Variants in MMP16 observed in about 807,000 individuals in gnomAD.
MMP16 encodes matrix metalloproteinase-16.
Under a neutral mutation model 67.8 loss-of-function variants are expected in MMP16, and 12 were observed. The ratio of observed to expected loss-of-function variants is 0.18; its 90% confidence interval spans 0.11 to 0.29. The LOEUF is 0.29. Ranked by LOEUF, MMP16 falls within the 10% of genes least tolerant of loss-of-function variation. The pLI, the probability that MMP16 is intolerant of heterozygous loss-of-function variation, is 1.00. For synonymous variants in MMP16, 249 were observed against 255.9 expected, an observed-to-expected ratio of 0.97 and a Z score of 0.26; for missense variants, 475 against 765.7, an observed-to-expected ratio of 0.62 and a Z score of 4.48.
chr8:88,067,321 C>T (rs188928077), intron 7 of MMP16, among the ~76,000 whole-genome samples: 84 of 151,980 alleles, frequency 5.5e-4, no homozygotes, highest in African/African-American at 1.9e-3. Context: ...TCTGGAACAA[C>T]GAAGGAATCA....
intron 6 of MMP16, among the ~76,000 whole-genome samples, chr8:88,106,125 C>T (rs1809236952): frequency 1.3e-5 from 2 of 150,596 alleles, no homozygotes; most frequent in African/African-American, 2.4e-5. Context: ...TTCACTTTCT[C>T]TCCTACCTCT....
At chr8:88,128,707 A>T (rs1270628184) in intron 4 of MMP16, among the ~76,000 whole-genome samples, 1 of 151,782 alleles carries the variant, frequency 6.6e-6, no homozygotes, top group Non-Finnish European at 1.5e-5. Context: ...GATTAGCAAA[A>T]AAAGATCTTC....
rs1243358908 is a variant in MMP16, at chr8:88,035,027, CTG to C, written c.*6432_*6433del. 6.6e-6 allele frequency: 1 copy of C among 151,972 alleles called. No homozygotes were observed. Among genetic ancestry groups the C allele is most frequent in the Non-Finnish European group, 1.5e-5 (1 of 67,926 alleles). The allele number at this position is 151,972 out of a possible 1,614,324, so 9.4% of individuals were successfully genotyped here. ...CACAGACCAAATACTACAGAAATGT[CTG>C]TATTGTGACTGATATTTTTTTCATG... On this transcript the variant is annotated 3_prime_UTR_variant, in exon 10 of 10. Coordinates refer to ENST00000286614, the MANE Select transcript of MMP16 (RefSeq NM_005941.5). This position sits in a 1 kb window ranked among gnomAD's most constrained non-coding sequence, Gnocchi z 4.7.
chr8:88,248,854 T>C (rs1810162153), intron 1 of MMP16, among the ~76,000 whole-genome samples: 1 of 151,994 alleles, frequency 6.6e-6, no homozygotes, highest in Admixed American at 6.6e-5. Context: ...TGTTTCCCAA[T>C]TTTACTGCAG....
intron 9 of MMP16, among the ~76,000 whole-genome samples, chr8:88,045,393 C>T (rs1586120266): frequency 1.3e-5 from 2 of 151,718 alleles, no homozygotes; most frequent in East Asian, 3.9e-4. Flanking sequence ...GTTTTTTAGA[C>T]AGAGACTGGC....
chr8:88,285,066 T>G (rs1810805874), intron 1 of MMP16, among the ~76,000 whole-genome samples: 1 of 152,194 alleles, frequency 6.6e-6, no homozygotes, highest in African/African-American at 2.4e-5. Flanking sequence ...CCTCATTTAT[T>G]TGTCCATCTT....
chr8:88,122,995 A>G (rs1414581987), intron 4 of MMP16, among the ~76,000 whole-genome samples: 1 of 151,634 alleles, frequency 6.6e-6, no homozygotes, highest in Non-Finnish European at 1.5e-5. Flanking sequence ...GCCCCGGCCA[A>G]CATGGATATC....
At chr8:88,263,777 C>A (rs992221638) in intron 1 of MMP16, among the ~76,000 whole-genome samples, 1 of 150,782 alleles carries the variant, frequency 6.6e-6, no homozygotes, top group African/African-American at 2.5e-5. Flanking sequence ...ATCCTATCTT[C>A]AAATAAGGTC....
chr8:88,178,754 AT>A (rs1427069200), intron 3 of MMP16, among the ~76,000 whole-genome samples: 30 of 152,258 alleles, frequency 2.0e-4, no homozygotes, highest in African/African-American at 7.2e-4. Context: ...TGTAAAGTTT[AT>A]TATGCAGTAT....
intron 4 of MMP16, among the ~76,000 whole-genome samples, chr8:88,120,277 C>T (rs1807802441): frequency 6.6e-6 from 1 of 151,856 alleles, no homozygotes; most frequent in Non-Finnish European, 1.5e-5. Flanking sequence ...GAGAAGACTA[C>T]TAAGGATTGT....
chr8:88,090,906 A>G (rs1375887101), intron 6 of MMP16, among the ~76,000 whole-genome samples: 1 of 151,818 alleles, frequency 6.6e-6, no homozygotes. Flanking sequence ...ATTTGAGTTC[A>G]ATTTGCCAAG....
chr8:88,155,492 G>T (rs1808493375), intron 4 of MMP16, among the ~76,000 whole-genome samples: 2 of 151,884 alleles, frequency 1.3e-5, no homozygotes, highest in Non-Finnish European at 2.9e-5. Flanking sequence ...GTTCTGAATT[G>T]CACACTACTG....
intron 2 of MMP16, among the ~76,000 whole-genome samples, chr8:88,192,203 G>C (rs901186379): frequency 6.6e-6 from 1 of 152,106 alleles, no homozygotes; most frequent in African/African-American, 2.4e-5. Context: ...GTTGCCATGG[G>C]AAGATTTTTA....
chr8:88,297,021 C>T (rs1440486435), intron 1 of MMP16, among the ~76,000 whole-genome samples: 2 of 151,614 alleles, frequency 1.3e-5, no homozygotes, highest in African/African-American at 4.8e-5. Flanking sequence ...AATAAATTTC[C>T]AGTATATTTA....
At chr8:88,307,579 G>GT (rs1401547557) in intron 1 of MMP16, among the ~76,000 whole-genome samples, 1 of 151,964 alleles carries the variant, frequency 6.6e-6, no homozygotes, top group African/African-American at 2.4e-5. Context: ...CCTAAAGAAA[G>GT]TAACTAGTAT....
intron 1 of MMP16, among the ~76,000 whole-genome samples, chr8:88,322,750 T>C (rs918197187): frequency 2.6e-5 from 4 of 151,288 alleles, no homozygotes; most frequent in African/African-American, 9.7e-5. Flanking sequence ...GAGGCTAAGG[T>C]GGGAGGATTG....
At chr8:88,073,252 G>A (rs557664798) in intron 7 of MMP16, among the ~76,000 whole-genome samples, 1 of 152,296 alleles carries the variant, frequency 6.6e-6, no homozygotes, top group East Asian at 1.9e-4. Context: ...CCACTGTGGT[G>A]CGGTGCACCG....
chr8:88,311,754 T>A (rs1811298189), intron 1 of MMP16, among the ~76,000 whole-genome samples: 1 of 152,130 alleles, frequency 6.6e-6, no homozygotes, highest in East Asian at 1.9e-4. Context: ...AGAACCACTG[T>A]ACTAGATCAC....
intron 1 of MMP16, among the ~76,000 whole-genome samples, chr8:88,233,192 G>C (rs1187582757): frequency 1.3e-5 from 2 of 152,132 alleles, no homozygotes; most frequent in Non-Finnish European, 2.9e-5. Flanking sequence ...ACAAATGCCA[G>C]ATATTATTAT....
Sources: gnomAD v4.1 joint callset for allele counts (sites outside exome capture counted in the v4.1 genomes callset) on GRCh38, gnomAD v4.1.1 for gene constraint, Gnocchi (gnomAD v3.1) non-coding constraint, MANE v1.5 for transcripts, NCBI Gene and HGNC (gene_info 2026-07-23, HGNC 2026-07-21) for gene names.